MAML3: variants seen among roughly 807,000 people sequenced by gnomAD.
MAML3 encodes mastermind like transcriptional coactivator 3, also known as mastermind-like protein 3.
In MAML3, 27 loss-of-function variants were observed where a neutral mutation model predicts 101.9. That is an observed-to-expected ratio of 0.27 (90% CI 0.20 to 0.37). The LOEUF (loss-of-function observed/expected upper bound fraction) is 0.37, where lower values mean the gene tolerates loss of function less well. MAML3 is among the 10% of genes least tolerant of loss of function. The pLI is 1.00. For missense variants in MAML3, 1,316 were observed against 1,444.9 expected, an observed-to-expected ratio of 0.91 and a Z score of 1.45; for synonymous variants, 501 against 555.9, an observed-to-expected ratio of 0.90 and a Z score of 1.39.
At chr4:140,037,137 G>A (rs1388231742) in intron 1 of MAML3, among the ~76,000 whole-genome samples, 1 of 151,654 alleles carries the variant, frequency 6.6e-6, no homozygotes, top group East Asian at 1.9e-4. Context: ...GTAGATTACT[G>A]GGAAAGTGAG....
chr4:139,784,248 C>T (rs1359235514), intron 2 of MAML3, among the ~76,000 whole-genome samples: 1 of 152,224 alleles, frequency 6.6e-6, no homozygotes. Flanking sequence ...CACACAAGCA[C>T]TCCTCTTATC....
At chr4:139,901,915 A>G (rs967808046) in intron 1 of MAML3, among the ~76,000 whole-genome samples, 1 of 152,190 alleles carries the variant, frequency 6.6e-6, no homozygotes, top group Non-Finnish European at 1.5e-5. Flanking sequence ...CAGCCCTTCC[A>G]AAAGACTGTT....
intron 1 of MAML3, among the ~76,000 whole-genome samples, chr4:140,145,232 A>T (rs1166597845): frequency 6.6e-6 from 1 of 152,244 alleles, no homozygotes; most frequent in Non-Finnish European, 1.5e-5. Flanking sequence ...AAACACTGTT[A>T]ACAGTTGAGG....
chr4:140,153,056 C>T lies in MAML3; in HGVS notation c.272G>A (p.Cys91Tyr). ...CTGAGCCTGCTGGTACCTGTTCTCGCAGTTGACGTGGTGCCGACGGCAGCC... is the reference window on the plus strand; with the variant it reads ...CTGAGCCTGCTGGTACCTGTTCTCGTAGTTGACGTGGTGCCGACGGCAGCC... The part of the protein sequence containing the change: ...IEGCRRHHVN[C>Y]ENRYQQAQVE... Residue 91 changes from cysteine (C) to tyrosine (Y), a missense_variant, in exon 1 of 5, where the codon TGC (cysteine) becomes TAC (tyrosine). Transcript: ENST00000509479. 1 of 1,575,772 alleles carries T rather than the reference C, an allele frequency of 6.3e-7. No homozygotes were observed. Among genetic ancestry groups the T allele is most frequent in the East Asian group, 2.3e-5 (1 of 42,590 alleles).
intron 2 of MAML3, among the ~76,000 whole-genome samples, chr4:139,825,812 C>T (rs1019326597): frequency 1.5e-4 from 23 of 151,214 alleles, no homozygotes; most frequent in African/African-American, 5.3e-4. Flanking sequence ...CAAATGCTGC[C>T]GAGCTCTTCA....
rs554101299 is a variant in MAML3 at position 139,791,715 on chromosome 4, A to G, written c.2080-61048T>C. ...TGTCCCTCCTGAAAGTTAACCACTG[A>G]GCTATTTGGTCACAAAGCACATTAT... On this transcript the variant is annotated intron_variant, in intron 2 of 4. Transcript: ENST00000509479. Among the ~76,000 whole-genome samples the G allele has an allele frequency of 5.3e-5, 8 of 152,292 alleles. No homozygotes were observed. In the South Asian group the frequency reaches 1.7e-3, roughly 32 times the overall value.
intron 2 of MAML3, among the ~76,000 whole-genome samples, chr4:139,803,185 G>C (rs1245860746): frequency 1.3e-5 from 2 of 152,150 alleles, no homozygotes; most frequent in African/African-American, 4.8e-5. Context: ...GAGCCTGAGA[G>C]GCAGAGGCTG....
intron 2 of MAML3, among the ~76,000 whole-genome samples, chr4:139,761,351 A>C (rs921780191): frequency 6.6e-6 from 1 of 152,122 alleles, no homozygotes; most frequent in Non-Finnish European, 1.5e-5. Flanking sequence ...AGGTTGCTTC[A>C]TTTCCCACCA....
intron 1 of MAML3, among the ~76,000 whole-genome samples, chr4:140,052,887 T>A (rs1303349108): frequency 1.3e-5 from 2 of 152,206 alleles, no homozygotes; most frequent in African/African-American, 4.8e-5. Context: ...CAAAATATTC[T>A]TATATCTGCA....
At chr4:139,840,948 T>C (rs1731349981) in intron 2 of MAML3, among the ~76,000 whole-genome samples, 1 of 152,184 alleles carries the variant, frequency 6.6e-6, no homozygotes, top group African/African-American at 2.4e-5. Context: ...CAACAAGCAC[T>C]CTGGCTGCTC....
At chr4:139,797,549 A>G (rs1163390080) in intron 2 of MAML3, among the ~76,000 whole-genome samples, 1 of 152,186 alleles carries the variant, frequency 6.6e-6, no homozygotes, top group African/African-American at 2.4e-5. Context: ...TCCCATTCAT[A>G]GCAAGGACAC....
chr4:139,916,389 T>C (rs1733029211), intron 1 of MAML3, among the ~76,000 whole-genome samples: 1 of 152,246 alleles, frequency 6.6e-6, no homozygotes, highest in Non-Finnish European at 1.5e-5. Context: ...GTTATAACTA[T>C]ACATTGGCCA....
At position 139,889,484 on chromosome 4, in the gene MAML3, GGCTGCTGCT is replaced by G. The variant is rs533638458; in HGVS notation, c.1943_1951del (p.Gln648_Gln650del). On this transcript the variant is annotated inframe_deletion, in exon 2 of 5. Transcript: ENST00000509479. Reference sequence around the variant, plus strand: ...GGGGGCCTGGAGCTGTGGAGGTGGCGGCTGCTGCTGCTGCTGCTGCTGCTGTTGCTGTTG... The same window carrying G: ...GGGGGCCTGGAGCTGTGGAGGTGGCGGCTGCTGCTGCTGCTGTTGCTGTTG... 66 of 1,457,868 alleles carry G rather than the reference GGCTGCTGCT, an allele frequency of 4.5e-5. No homozygotes were observed. In the African/African-American group the frequency reaches 6.2e-4, roughly 14 times the overall value. 90.3% of individuals were successfully genotyped at this position (1,457,868 alleles called of 1,614,324 possible). A position where few individuals can be genotyped will look rare whatever the true frequency, so the allele number is the denominator to read the frequency against.
chr4:140,123,493 A>C (rs1010702065), intron 1 of MAML3, among the ~76,000 whole-genome samples: 2 of 152,034 alleles, frequency 1.3e-5, no homozygotes, highest in African/African-American at 4.8e-5. Context: ...GAACTTCTTG[A>C]ATATATTTTC....
In MAML3 at chr4:140,153,043, G is replaced by A; in HGVS notation, c.285C>T (p.Tyr95=). The A allele has an allele frequency of 6.3e-7, 1 of 1,587,024 alleles. No homozygotes were observed. Among genetic ancestry groups the A allele is most frequent in the Non-Finnish European group, 8.6e-7 (1 of 1,166,546 alleles). Residue 95 remains tyrosine (Y), a synonymous_variant, in exon 1 of 5, where the codon TAC becomes TAT. Transcript: ENST00000509479. ...CCAGCTGCTCCACCTGAGCCTGCTG[G>A]TACCTGTTCTCGCAGTTGACGTGGT... ...RRHHVNCENR[Y]QQAQVEQLEL...
At chr4:139,767,002 C>T (rs1729874330) in intron 2 of MAML3, among the ~76,000 whole-genome samples, 1 of 152,232 alleles carries the variant, frequency 6.6e-6, no homozygotes, top group African/African-American at 2.4e-5. Context: ...ACCTTATCTA[C>T]ACATAACAAG....
intron 1 of MAML3, among the ~76,000 whole-genome samples, chr4:139,960,656 A>T (rs1432177505): frequency 6.6e-6 from 1 of 152,222 alleles, no homozygotes; most frequent in Non-Finnish European, 1.5e-5. Flanking sequence ...AATTAACAGC[A>T]GGAACTTGAA....
intron 1 of MAML3, among the ~76,000 whole-genome samples, chr4:139,938,554 G>A (rs1372740667): frequency 6.6e-6 from 1 of 152,184 alleles, no homozygotes; most frequent in African/African-American, 2.4e-5. Context: ...GTGCCTGGGT[G>A]ATGAGATCTG....
intron 3 of MAML3, among the ~76,000 whole-genome samples, chr4:139,729,094 C>G (rs1403054991): frequency 6.9e-6 from 1 of 145,810 alleles, no homozygotes; most frequent in Non-Finnish European, 1.5e-5. Flanking sequence ...ACAATAGCTG[C>G]CAGGCGGCTG....
Sources: gnomAD v4.1 joint callset for allele counts (sites outside exome capture counted in the v4.1 genomes callset) on GRCh38, gnomAD v4.1.1 for gene constraint, MANE v1.5 for transcripts, NCBI Gene and HGNC (gene_info 2026-07-23, HGNC 2026-07-21) for gene names.